SIN3A: variants seen among roughly 807,000 people sequenced by gnomAD.
SIN3A encodes SIN3 transcription regulator family member A.
Under a neutral mutation model 146.1 loss-of-function variants are expected in SIN3A, and 14 were observed. The ratio of observed to expected loss-of-function variants is 0.10; its 90% CI spans 0.06 to 0.15. SIN3A has a LOEUF of 0.15. SIN3A is among the 10% of genes least tolerant of loss of function. SIN3A has a pLI of 1.00. For synonymous variants in SIN3A, 572 were observed against 572.0 expected (o/e 1.00, Z 0.00); for missense variants, 1,028 against 1,576.0 (o/e 0.65, Z 5.89).
At chr15:75,413,612 C>G (rs2073683566) in intron 4 of SIN3A, among the ~76,000 whole-genome samples, 1 of 149,108 alleles carries the variant, frequency 6.7e-6, no homozygotes, top group Non-Finnish European at 1.5e-5. Context: ...AGCACAATCT[C>G]GGCACACTGC....
intron 9 of SIN3A, among the ~76,000 whole-genome samples, chr15:75,403,618 G>A (rs2073454109): frequency 6.8e-6 from 1 of 147,658 alleles, no homozygotes; most frequent in African/African-American, 2.5e-5. Flanking sequence ...TCAGCTCACT[G>A]CAACCTCTGC....
At chr15:75,382,804 C>A (rs1239566093) in intron 17 of SIN3A, among the ~76,000 whole-genome samples, 1 of 151,920 alleles carries the variant, frequency 6.6e-6, no homozygotes, top group Non-Finnish European at 1.5e-5. Flanking sequence ...AAAATTAGAC[C>A]GGGTGCAGTG....
intron 1 of SIN3A, among the ~76,000 whole-genome samples, chr15:75,431,997 G>A (rs577466652): frequency 6.6e-6 from 1 of 152,184 alleles, no homozygotes; most frequent in Non-Finnish European, 1.5e-5. Context: ...TCTCAGCTTT[G>A]TGTGTGATAA....
At chr15:75,391,279 T>C (rs7168055) in intron 15 of SIN3A, among the ~76,000 whole-genome samples, 2,987 of 152,314 alleles carry the variant, frequency 0.02, 102 homozygotes, top group African/African-American at 0.068. Flanking sequence ...CAACATTATG[T>C]AAGCCTCAAA....
chr15:75,407,406 T>C (rs2073535020), intron 8 of SIN3A, among the ~76,000 whole-genome samples: 1 of 152,202 alleles, frequency 6.6e-6, no homozygotes, highest in Non-Finnish European at 1.5e-5. Context: ...GAAATGATCA[T>C]GACATTACTG....
intron 8 of SIN3A, among the ~76,000 whole-genome samples, chr15:75,407,892 CAAAAAAAAA>C (rs775913884): frequency 3.7e-4 from 9 of 24,654 alleles, no homozygotes; most frequent in East Asian, 2.3e-3. Flanking sequence ...GACTCCATCT[CAAAAAAAAA>C]AAAAAAAAAA....
At chr15:75,387,920 G>A (rs1442555928) in intron 16 of SIN3A, among the ~76,000 whole-genome samples, 1 of 152,124 alleles carries the variant, frequency 6.6e-6, no homozygotes, top group Non-Finnish European at 1.5e-5. Flanking sequence ...TTATGGGAAG[G>A]CCTAACAACT....
rs534460995 is a variant in SIN3A, at chr15:75,450,622, C to G, written c.-34+801G>C. 9.2e-5 allele frequency among the ~76,000 whole-genome samples: 14 copies of G among 152,344 alleles called. No homozygotes were observed. The East Asian group carries it at 1.3e-3, about 15-fold the overall frequency. The stretch of plus-strand genomic sequence containing the variant: ...TCCCACTCTCCTGGCTGCACGGTGC[C>G]AGACACGCTGCATGGAGCAAAGCGG... On this transcript the variant is annotated intron_variant, in intron 1 of 20. Transcript: ENST00000394947.
intron 12 of SIN3A, among the ~76,000 whole-genome samples, chr15:75,398,248 A>G (rs566507098): frequency 6.6e-6 from 1 of 152,358 alleles, no homozygotes; most frequent in East Asian, 1.9e-4. Context: ...TTTAAAAATG[A>G]TAATGTAAAC....
intron 1 of SIN3A, among the ~76,000 whole-genome samples, chr15:75,449,672 A>G (rs1353618135): frequency 3.3e-5 from 5 of 152,254 alleles, no homozygotes; most frequent in African/African-American, 1.2e-4. Context: ...TACTATGTAG[A>G]GTATAAATAG....
chr15:75,380,354 C>T (rs954166991), intron 19 of SIN3A, among the ~76,000 whole-genome samples: 1 of 152,170 alleles, frequency 6.6e-6, no homozygotes, highest in African/African-American at 2.4e-5. Context: ...TCCTGTGAGT[C>T]CTCTTCCATC....
chr15:75,437,104 G>C (rs1001697866), intron 1 of SIN3A, among the ~76,000 whole-genome samples: 13 of 152,078 alleles, frequency 8.5e-5, no homozygotes, highest in African/African-American at 3.1e-4. Flanking sequence ...CAACAGCCAA[G>C]TCTTCCATGT....
intron 4 of SIN3A, among the ~76,000 whole-genome samples, chr15:75,413,248 G>A (rs1046645148): frequency 3.3e-5 from 5 of 152,116 alleles, no homozygotes; most frequent in African/African-American, 1.2e-4. Context: ...AGCCTCCCAA[G>A]TAGCTGGGAT....
intron 20 of SIN3A, among the ~76,000 whole-genome samples, chr15:75,373,275 G>C (rs539973358): frequency 6.4e-4 from 98 of 152,318 alleles, no homozygotes; most frequent in African/African-American, 2.3e-3. Context: ...CTACTCGAGA[G>C]GCTGAGACAA....
intron 16 of SIN3A, among the ~76,000 whole-genome samples, chr15:75,386,106 C>T (rs932770526): frequency 2.6e-5 from 4 of 152,188 alleles, no homozygotes; most frequent in African/African-American, 9.6e-5. Flanking sequence ...TCAGTGCAGC[C>T]TCAACTTCCT....
At chr15:75,396,613 C>A in intron 12 of SIN3A, 117 bp from the exon 13 acceptor site, 1 of 703,216 alleles carries the variant, frequency 1.4e-6, no homozygotes. Flanking sequence ...TGGTTCTGCC[C>A]TACTAGCTAC....
At chr15:75,399,293 C>G (rs893220234) in intron 12 of SIN3A, among the ~76,000 whole-genome samples, 1 of 152,058 alleles carries the variant, frequency 6.6e-6, no homozygotes, top group African/African-American at 2.4e-5. Context: ...CTTTGGGAGG[C>G]CGAGACGGGT....
chr15:75,376,173 T>G, intron 19 of SIN3A: 1 of 440,112 alleles, frequency 2.3e-6, no homozygotes, highest in Non-Finnish European at 4.1e-6. Flanking sequence ...CCAGCTACAG[T>G]TCTGCTTTGG....
chr15:75,389,347 TC>T (rs2073153921), intron 16 of SIN3A, among the ~76,000 whole-genome samples: 1 of 151,276 alleles, frequency 6.6e-6, no homozygotes. Context: ...GACGCAATGT[TC>T]CACACTGTGT....
Sources: gnomAD v4.1 joint callset for allele counts (sites outside exome capture counted in the v4.1 genomes callset) on GRCh38, gnomAD v4.1.1 for gene constraint, MANE v1.5 for transcripts, NCBI Gene and HGNC (gene_info 2026-07-23, HGNC 2026-07-21) for gene names.